The following PRH1 variants were observed in gnomAD, a reference collection of about 807,000 sequenced individuals.
PRH1 encodes proline rich protein HaeIII subfamily 1, also known as salivary acidic proline-rich phosphoprotein 1/2.
Under a neutral mutation model 7.9 loss-of-function variants are expected in PRH1, and 7 were observed. The ratio of observed to expected loss-of-function variants is 0.89; its 90% CI spans 0.50 to 1.67. The LOEUF (loss-of-function observed/expected upper bound fraction) is 1.67. PRH1 is among the 40% of genes most tolerant of loss of function. The probability of loss-of-function intolerance (pLI) is 0.00; values close to 1 mark genes in which losing one functional copy is unlikely to be tolerated. For missense variants in PRH1, 109 were observed against 223.6 expected, an observed-to-expected ratio of 0.49 and a Z score of 3.27; for synonymous variants, 45 against 80.8, an observed-to-expected ratio of 0.56 and a Z score of 2.38.
Position 11,082,773 on chromosome 12 carries a change from G to A in PRH1, n.124-35585C>T, listed in dbSNP as rs574673643. 2.0e-5 allele frequency among the ~76,000 whole-genome samples: 2 copies of A among 100,728 alleles called. 1 individual carries two copies. The highest frequency in any genetic ancestry group is 5.3e-4 in the South Asian group (2 of 3,760). The allele number at this position is 100,728 out of a possible 152,430, so 66.1% of individuals were successfully genotyped here. A position where few individuals can be genotyped will look rare whatever the true frequency, so the allele number is the denominator to read the frequency against. On this transcript the variant is annotated intron_variant and non_coding_transcript_variant, in intron 1 of 4. Transcript: ENST00000541977. ...GTGACCTCCAGCAAAGAATACTCTT[G>A]TTCTGGCTGTTTAATTTTGTTCCAC...
intron 1 of PRH1, among the ~76,000 whole-genome samples, chr12:11,070,556 C>T (rs1277455686): frequency 1.3e-5 from 2 of 152,198 alleles, no homozygotes; most frequent in Non-Finnish European, 2.9e-5. Flanking sequence ...AAAGTCTCTT[C>T]CTTTCTTTCC....
At chr12:11,001,989 C>T (rs1327813428) in intron 1 of PRH1, among the ~76,000 whole-genome samples, 1 of 152,106 alleles carries the variant, frequency 6.6e-6, no homozygotes, top group African/African-American at 2.4e-5. Flanking sequence ...AACACCGCAA[C>T]TAAATCTTTC....
chr12:10,957,070 A>T (rs975068613), intron 2 of PRH1, among the ~76,000 whole-genome samples: 2 of 151,160 alleles, frequency 1.3e-5, no homozygotes, highest in Non-Finnish European at 2.9e-5. Flanking sequence ...CTATTTTAAA[A>T]TTCACTGGGA....
chr12:11,087,597 T>G lies in PRH1; in HGVS notation n.124-40409A>C, dbSNP rs180838389. ...TATAGCAGGACCAAAGGGAAGCCTC[T>G]GAAATTCTCCTCTACTGGCAACACA... On this transcript the variant is annotated intron_variant and non_coding_transcript_variant, in intron 1 of 4. Transcript: ENST00000541977. Among the ~76,000 whole-genome samples, 396 of 117,156 alleles carry G rather than the reference T, an allele frequency of 3.4e-3. 108 individuals are homozygous for G. The highest frequency in any genetic ancestry group is 0.012 in the Middle Eastern group (3 of 260). The allele number at this position is 117,156 out of a possible 152,430, so 76.9% of individuals were successfully genotyped here.
intron 2 of PRH1, among the ~76,000 whole-genome samples, chr12:10,913,099 T>C (rs1277165042): frequency 6.6e-6 from 1 of 152,216 alleles, no homozygotes; most frequent in African/African-American, 2.4e-5. Flanking sequence ...AGCGTTAGAA[T>C]TGTAGTATCT....
intron 1 of PRH1, chr12:11,022,705 G>A: frequency 3.0e-6 from 2 of 667,118 alleles, no homozygotes; most frequent in Non-Finnish European, 2.5e-6. Context: ...AGTGACTAGT[G>A]TCAACAGGCA....
intron 1 of PRH1, among the ~76,000 whole-genome samples, chr12:11,010,890 C>A (rs986823060): frequency 1.3e-5 from 2 of 151,460 alleles, no homozygotes; most frequent in African/African-American, 4.8e-5. Flanking sequence ...TTATTAATTT[C>A]TCTATTTTTT....
rs562236488 is a variant in PRH1, at chr12:11,031,335, T to A, written c.-126+15685A>T. 88 of 1,610,840 alleles carry A rather than the reference T, an allele frequency of 5.5e-5. 3 individuals carry two copies. The South Asian group carries it at 9.4e-4, about 17-fold the overall frequency. On this transcript the variant is annotated intron_variant, in intron 1 of 3. Transcript: ENST00000539853. ...AAAATGATGGGTATAAAAGTTGTCA[T>A]GTCTGAACAGACAAAAAAAAATTGT... is the stretch of plus-strand genomic sequence containing the variant.
intron 1 of PRH1, among the ~76,000 whole-genome samples, chr12:11,023,009 T>C (rs926443112): frequency 7.2e-5 from 11 of 152,190 alleles, no homozygotes; most frequent in African/African-American, 2.7e-4. Context: ...CCAATACATA[T>C]ATCATATAGT....
chr12:11,032,639 T>C lies in PRH1; in HGVS notation c.-126+14381A>G, dbSNP rs562829842. Among the ~76,000 whole-genome samples the C allele has an allele frequency of 2.0e-5, 3 of 152,336 alleles. No individual in the cohort carries two copies. The South Asian group carries it at 6.2e-4, about 32-fold the overall frequency. ...CTCAGGGTTTTCAGCCCATGAATAA[T>C]ATTTATTTATCAAAAACATTATCTC... On this transcript the variant is annotated intron_variant, in intron 1 of 3. Coordinates refer to the PRH1 transcript ENST00000539853.
chr12:11,020,383 T>C (rs1051709751), intron 1 of PRH1, among the ~76,000 whole-genome samples: 1 of 107,456 alleles, frequency 9.3e-6, no homozygotes. Flanking sequence ...TATATATATA[T>C]ATATATATGT....
chr12:11,134,540 A>T (rs1043511718), intron 1 of PRH1: 10 of 338,140 alleles, frequency 3.0e-5, no homozygotes, highest in Admixed American at 9.0e-5. Flanking sequence ...TGAAATTGAC[A>T]TGAAACCTGA....
intron 1 of PRH1, among the ~76,000 whole-genome samples, chr12:11,157,867 T>C (rs552327962): frequency 6.6e-6 from 1 of 152,298 alleles, no homozygotes; most frequent in East Asian, 1.9e-4. Flanking sequence ...GAGAGAACCC[T>C]ACCTGATAAA....
At chr12:10,922,629 G>C (rs1334734849) in intron 2 of PRH1, among the ~76,000 whole-genome samples, 2 of 151,848 alleles carry the variant, frequency 1.3e-5, no homozygotes, top group Non-Finnish European at 2.9e-5. Context: ...ATTAATTTTT[G>C]CTAATTGCAT....
At chr12:10,961,779 A>C (rs957712243) in intron 2 of PRH1, among the ~76,000 whole-genome samples, 7 of 152,212 alleles carry the variant, frequency 4.6e-5, no homozygotes, top group African/African-American at 1.7e-4. Flanking sequence ...GACAGAAGAC[A>C]GCTGAACAGA....
chr12:11,026,147 T>C (rs1461339959), intron 1 of PRH1, among the ~76,000 whole-genome samples: 2 of 152,220 alleles, frequency 1.3e-5, no homozygotes, highest in African/African-American at 2.4e-5. Context: ...GCAATCCTCC[T>C]GCCTCAGCTT....
chr12:11,003,500 G>A (rs1484412988), intron 1 of PRH1, among the ~76,000 whole-genome samples: 1 of 151,650 alleles, frequency 6.6e-6, no homozygotes, highest in Non-Finnish European at 1.5e-5. Context: ...AAGTATCCCA[G>A]TTATGATAAT....
chr12:10,988,578 T>C (rs1458383192), intron 1 of PRH1, among the ~76,000 whole-genome samples: 1 of 152,082 alleles, frequency 6.6e-6, no homozygotes, highest in African/African-American at 2.4e-5. Flanking sequence ...GGAGCATTTT[T>C]CCAGTTAATA....
intron 1 of PRH1, among the ~76,000 whole-genome samples, chr12:11,111,603 A>G (rs1447864532): frequency 6.6e-6 from 1 of 152,214 alleles, no homozygotes; most frequent in Non-Finnish European, 1.5e-5. Context: ...TTTGAAACCA[A>G]TGAGAACAAA....
Sources: allele counts gnomAD v4.1 joint callset (sites outside exome capture counted in the v4.1 genomes callset), GRCh38; gene constraint gnomAD v4.1.1; transcripts MANE v1.5; gene names NCBI Gene and HGNC (gene_info 2026-07-23, HGNC 2026-07-21).